Variants in BTBD16 observed in about 807,000 individuals in gnomAD.
BTBD16 encodes BTB domain containing 16, also known as BTB/POZ domain-containing protein 16.
BTBD16 carries 66 observed loss-of-function variants against 67.4 expected under a neutral mutation model. The ratio of observed to expected loss-of-function variants is 0.98; its 90% CI spans 0.80 to 1.20. The LOEUF (loss-of-function observed/expected upper bound fraction) is 1.20. Ranked by LOEUF, BTBD16 falls within the 50% of genes most tolerant of loss-of-function variation. The pLI, the probability that BTBD16 is intolerant of heterozygous loss-of-function variation, is 0.00. For missense variants in BTBD16, 634 were observed against 616.0 expected (o/e 1.03, Z -0.31); for synonymous variants, 242 against 236.4 (o/e 1.02, Z -0.22).
chr10:122,333,251 G>C (rs557331019), intron 13 of BTBD16, among the ~76,000 whole-genome samples: 9 of 152,208 alleles, frequency 5.9e-5, no homozygotes, highest in Non-Finnish European at 1.2e-4. Flanking sequence ...TGCCTAAGTG[G>C]GCAGATGGAG....
At chr10:122,327,846 G>A (rs1015186880) in intron 10 of BTBD16, among the ~76,000 whole-genome samples, 25 of 152,184 alleles carry the variant, frequency 1.6e-4, no homozygotes, top group African/African-American at 5.3e-4. Flanking sequence ...AGGCACATCA[G>A]CAGAACCGGC....
chr10:122,303,800 T>C (rs2096398501), intron 9 of BTBD16, among the ~76,000 whole-genome samples: 1 of 152,196 alleles, frequency 6.6e-6, no homozygotes, highest in Non-Finnish European at 1.5e-5. Flanking sequence ...GTGGGTTCTG[T>C]CTTGATTGAG....
At chr10:122,326,159 C>T (rs2096444361) in intron 10 of BTBD16, among the ~76,000 whole-genome samples, 2 of 152,038 alleles carry the variant, frequency 1.3e-5, no homozygotes, top group South Asian at 4.2e-4. Context: ...TAAGCAAAGT[C>T]ACTTTTAACC....
intron 10 of BTBD16, among the ~76,000 whole-genome samples, chr10:122,310,549 C>CAA (rs1223902036): frequency 2.0e-5 from 3 of 152,070 alleles, no homozygotes; most frequent in Non-Finnish European, 4.4e-5. Context: ...TTCAAAGGGG[C>CAA]AAAGGGAGCA....
chr10:122,282,258 C>G (rs1019370796), intron 3 of BTBD16, among the ~76,000 whole-genome samples: 1 of 152,190 alleles, frequency 6.6e-6, no homozygotes, highest in Non-Finnish European at 1.5e-5. Context: ...CCAGCTCTTT[C>G]CAGACGTGTC....
At chr10:122,279,511 A>AAC (rs143637448) in intron 3 of BTBD16, among the ~76,000 whole-genome samples, 11,574 of 143,886 alleles carry the variant, frequency 0.08, 599 homozygotes, top group African/African-American at 0.14. Context: ...GAGAAAGAGA[A>AAC]ACACACACAC....
intron 10 of BTBD16, among the ~76,000 whole-genome samples, chr10:122,319,652 A>G (rs1325633346): frequency 2.0e-5 from 3 of 152,112 alleles, no homozygotes; most frequent in Non-Finnish European, 4.4e-5. Context: ...AAGGTAATGT[A>G]AGTTCTCTAG....
chr10:122,325,634 G>C (rs2096443186), intron 10 of BTBD16, among the ~76,000 whole-genome samples: 1 of 152,064 alleles, frequency 6.6e-6, no homozygotes, highest in Admixed American at 6.6e-5. Flanking sequence ...TTGAGTGTTA[G>C]GAGCCAAGAG....
At chr10:122,317,418 C>T (rs2096427323) in intron 10 of BTBD16, among the ~76,000 whole-genome samples, 2 of 152,058 alleles carry the variant, frequency 1.3e-5, no homozygotes, top group African/African-American at 2.4e-5. Context: ...GAGGCCGAGG[C>T]TGGTGGATCA....
intron 10 of BTBD16, among the ~76,000 whole-genome samples, chr10:122,314,877 C>A (rs1257867304): frequency 6.6e-6 from 1 of 152,142 alleles, no homozygotes; most frequent in Non-Finnish European, 1.5e-5. Context: ...GGTAGACTCT[C>A]CAGTATCATG....
At chr10:122,335,550 T>C (rs897432156) in intron 14 of BTBD16, among the ~76,000 whole-genome samples, 39 of 152,244 alleles carry the variant, frequency 2.6e-4, no homozygotes, top group African/African-American at 9.2e-4. Context: ...AACTCTCCTC[T>C]GTGCAGTTTC....
chr10:122,286,934 C>T (rs1034432011), intron 5 of BTBD16, among the ~76,000 whole-genome samples: 7 of 152,132 alleles, frequency 4.6e-5, no homozygotes, highest in Admixed American at 2.0e-4. Flanking sequence ...GCAGGTGCCA[C>T]GGAAAATTCG....
At chr10:122,300,965 A>G (rs1255387579) in intron 9 of BTBD16, among the ~76,000 whole-genome samples, 2 of 152,186 alleles carry the variant, frequency 1.3e-5, no homozygotes, top group Non-Finnish European at 2.9e-5. Context: ...CCTCACGTTT[A>G]CAGAGATGGG....
At chr10:122,308,553 A>G (rs1011686493) in intron 10 of BTBD16, among the ~76,000 whole-genome samples, 3 of 152,148 alleles carry the variant, frequency 2.0e-5, no homozygotes, top group African/African-American at 2.4e-5. Context: ...AGTCCTCTCA[A>G]TGTAGAGTGG....
intron 9 of BTBD16, among the ~76,000 whole-genome samples, chr10:122,306,382 T>C (rs142576709): frequency 1.4e-3 from 210 of 152,338 alleles, no homozygotes; most frequent in Non-Finnish European, 2.6e-3. Flanking sequence ...GACAATTTGT[T>C]ATTGGAGCGA....
At chr10:122,330,886 G>A (rs151201027) in intron 11 of BTBD16, among the ~76,000 whole-genome samples, 12 of 152,294 alleles carry the variant, frequency 7.9e-5, no homozygotes, top group African/African-American at 2.6e-4. Context: ...GCACCACCAC[G>A]CGCAGCTAGT....
intron 1 of BTBD16, among the ~76,000 whole-genome samples, chr10:122,273,413 A>T (rs2096333610): frequency 6.6e-6 from 1 of 152,082 alleles, no homozygotes; most frequent in Non-Finnish European, 1.5e-5. Flanking sequence ...TGGCAGAGGA[A>T]TATTTTAATA....
intron 2 of BTBD16, among the ~76,000 whole-genome samples, chr10:122,275,970 T>G (rs1042443576): frequency 6.6e-6 from 1 of 152,166 alleles, no homozygotes; most frequent in Non-Finnish European, 1.5e-5. Flanking sequence ...GTCCATCAAC[T>G]GATGAAGGAA....
At chr10:122,316,236 C>T (rs537360205) in intron 10 of BTBD16, among the ~76,000 whole-genome samples, 5 of 152,282 alleles carry the variant, frequency 3.3e-5, no homozygotes, top group Admixed American at 3.3e-4. Flanking sequence ...TATTGCATTC[C>T]AGCCTGGGTG....
Sources: gnomAD v4.1 joint callset for allele counts (sites outside exome capture counted in the v4.1 genomes callset) on GRCh38, gnomAD v4.1.1 for gene constraint, MANE v1.5 for transcripts, NCBI Gene and HGNC (gene_info 2026-07-23, HGNC 2026-07-21) for gene names.